The following LRRK2 variants were observed in gnomAD, a reference collection of about 807,000 sequenced individuals.
LRRK2 encodes the protein leucine-rich repeat serine/threonine-protein kinase 2.
LRRK2 carries 203 observed loss-of-function variants against 302.6 expected under a neutral mutation model. That is an observed-to-expected ratio of 0.67 (90% CI 0.60 to 0.75). LRRK2 has a LOEUF of 0.75. Among genes scored for constraint, LRRK2 ranks in the 30% least tolerant of loss-of-function variants. The pLI, the probability that LRRK2 is intolerant of heterozygous loss-of-function variation, is 0.00. For missense variants in LRRK2, 2,830 were observed against 2,951.0 expected (o/e 0.96, Z 0.95); for synonymous variants, 1,066 against 1,031.9 (o/e 1.03, Z -0.63).
chr12:40,328,795 A>T (rs1945626403), intron 39 of LRRK2, among the ~76,000 whole-genome samples: 1 of 152,086 alleles, frequency 6.6e-6, no homozygotes, highest in African/African-American at 2.4e-5. Flanking sequence ...TACCTAGGAG[A>T]TTGTTAGAAA....
chr12:40,347,560 T>C (rs564105418), intron 42 of LRRK2, among the ~76,000 whole-genome samples: 6 of 152,372 alleles, frequency 3.9e-5, no homozygotes, highest in Non-Finnish European at 8.8e-5. Flanking sequence ...GCTTTATCTT[T>C]TTTGGGTATA....
At chr12:40,320,686 G>T (rs1592284298) in intron 34 of LRRK2, among the ~76,000 whole-genome samples, 1 of 152,004 alleles carries the variant, frequency 6.6e-6, no homozygotes, top group Non-Finnish European at 1.5e-5. Context: ...TTGATTGATG[G>T]ATGCAGCCAA....
intron 7 of LRRK2, among the ~76,000 whole-genome samples, chr12:40,244,016 T>G (rs1042503407): frequency 3.9e-5 from 6 of 152,026 alleles, no homozygotes; most frequent in Non-Finnish European, 1.5e-5. Flanking sequence ...ATGTAAGAAT[T>G]GATACATACA....
At chr12:40,307,548 T>C in intron 28 of LRRK2, among the ~76,000 whole-genome samples, 1 of 151,976 alleles carries the variant, frequency 6.6e-6, no homozygotes, top group South Asian at 2.1e-4. Flanking sequence ...TGATGTTATG[T>C]GATCTCACTA....
intron 42 of LRRK2, among the ~76,000 whole-genome samples, chr12:40,347,722 G>A (rs982131687): frequency 6.6e-6 from 1 of 152,120 alleles, no homozygotes; most frequent in African/African-American, 2.4e-5. Context: ...CAGCACTTTG[G>A]GAGGCCCAGG....
chr12:40,237,059 G>T (rs768144411), intron 4 of LRRK2, among the ~76,000 whole-genome samples: 24 of 152,088 alleles, frequency 1.6e-4, no homozygotes, highest in Middle Eastern at 3.4e-3. Flanking sequence ...GAAATGTTTG[G>T]TATAGTAAAA....
Position 40,257,319 on chromosome 12 carries a change from C to CA in LRRK2, c.1361dup (p.His454GlnfsTer4). The stretch of plus-strand genomic sequence containing the variant: ...TTTGGAGTTAATGCAGAAGCATATA[C>CA]ATTCTCCTGAAGTGGCTGAAAGTGG... On this transcript the variant is annotated frameshift_variant, in exon 12 of 51. Coordinates refer to ENST00000298910, the MANE Select transcript of LRRK2 (RefSeq NM_198578.4). LOFTEE classifies it high-confidence loss of function. 6.2e-7 allele frequency: 1 copy of CA among 1,610,186 alleles called. No homozygotes were observed. Among genetic ancestry groups the CA allele is most frequent in the Non-Finnish European group, 8.5e-7 (1 of 1,176,728 alleles).
chr12:40,234,256 A>G (rs573260012), intron 3 of LRRK2, among the ~76,000 whole-genome samples: 2 of 152,224 alleles, frequency 1.3e-5, no homozygotes, highest in African/African-American at 4.8e-5. Context: ...CCAATAATGT[A>G]AAGCCAAACA....
At chr12:40,296,516 C>A (rs1944391033) in intron 23 of LRRK2, among the ~76,000 whole-genome samples, 1 of 151,784 alleles carries the variant, frequency 6.6e-6, no homozygotes, top group Non-Finnish European at 1.5e-5. Flanking sequence ...CCTGTGGTCC[C>A]AGCTACTTGG....
In LRRK2 at chr12:40,295,527, A is replaced by G. The variant is rs770133390; in HGVS notation, c.2979A>G (p.Glu993=). ...YITSLDLSAN[E]LRDIDALSQK... is the part of the protein sequence containing the mutation. ...CATCACTAGACCTTTCAGCAAATGA[A>G]CTAAGAGATATTGATGCCCTAAGCC... Residue 993 remains glutamate (E), a synonymous_variant, in exon 23 of 51, where the codon GAA becomes GAG. Coordinates refer to ENST00000298910, the MANE Select transcript of LRRK2 (RefSeq NM_198578.4). 1.1e-5 allele frequency: 17 copies of G among 1,613,878 alleles called. No homozygotes were observed. The highest frequency in any genetic ancestry group is 1.4e-5 in the Non-Finnish European group (16 of 1,179,996).
intron 2 of LRRK2, among the ~76,000 whole-genome samples, chr12:40,231,326 GAGGATTGC>G (rs1319671205): frequency 6.7e-6 from 1 of 149,764 alleles, no homozygotes; most frequent in African/African-American, 2.5e-5. Flanking sequence ...GCCAAGTCAG[GAGGATTGC>G]TTGAGCCCAG....
At chr12:40,362,784 G>GA (rs1033590127) in intron 47 of LRRK2, among the ~76,000 whole-genome samples, 2 of 152,000 alleles carry the variant, frequency 1.3e-5, no homozygotes, top group African/African-American at 4.8e-5. Flanking sequence ...GGTTGAAAGG[G>GA]AAATATTTTA....
chr12:40,225,109 G>T lies in LRRK2; in HGVS notation c.-23G>T. Reference sequence around the variant, plus strand: ...AGCGGACGTTCATGCTGGGAGGGCGGCGGGTTGGAAGCAGGTGCCACCATG... The same window carrying T: ...AGCGGACGTTCATGCTGGGAGGGCGTCGGGTTGGAAGCAGGTGCCACCATG... On this transcript the variant is annotated 5_prime_UTR_variant, in exon 1 of 51. Coordinates refer to ENST00000298910, the MANE Select transcript of LRRK2 (RefSeq NM_198578.4). 7 of 1,613,090 alleles carry T rather than the reference G, an allele frequency of 4.3e-6. No homozygotes were observed. Among genetic ancestry groups the T allele is most frequent in the Non-Finnish European group, 5.9e-6 (7 of 1,179,962 alleles).
At chr12:40,245,986 G>T (rs1379031474) in intron 7 of LRRK2, among the ~76,000 whole-genome samples, 4 of 151,738 alleles carry the variant, frequency 2.6e-5, no homozygotes, top group Non-Finnish European at 5.9e-5. Flanking sequence ...TTAATATAGT[G>T]TTAAATAGAG....
At chr12:40,359,530 A>G (rs1946641697) in intron 47 of LRRK2, 86 bp downstream of exon 47, 4 of 1,051,890 alleles carry the variant, frequency 3.8e-6, no homozygotes, top group South Asian at 3.0e-5. Flanking sequence ...TTGATAATTC[A>G]TAAGGAAGAT....
At chr12:40,245,494 A>G (rs914260386) in intron 7 of LRRK2, among the ~76,000 whole-genome samples, 6 of 152,090 alleles carry the variant, frequency 3.9e-5, no homozygotes, top group Non-Finnish European at 7.4e-5. Context: ...TCAAGTCACC[A>G]TACATTCTTT....
At chr12:40,283,466 C>T (rs902834151) in intron 18 of LRRK2, among the ~76,000 whole-genome samples, 19 of 152,152 alleles carry the variant, frequency 1.2e-4, no homozygotes, top group African/African-American at 3.4e-4. Context: ...TTCTATGTCA[C>T]AAATAAAGGC....
At chr12:40,310,998 C>T (rs1406685252) in intron 31 of LRRK2, among the ~76,000 whole-genome samples, 1 of 152,096 alleles carries the variant, frequency 6.6e-6, no homozygotes, top group Non-Finnish European at 1.5e-5. Flanking sequence ...AAGGTGAATA[C>T]TGAGGTCTTG....
chr12:40,365,015 G>A lies in LRRK2; in HGVS notation c.7355G>A (p.Cys2452Tyr). The A allele has an allele frequency of 6.2e-7, 1 of 1,612,428 alleles. No individual in the cohort carries two copies. Among genetic ancestry groups the A allele is most frequent in the Non-Finnish European group, 8.5e-7 (1 of 1,178,932 alleles). ...CTTATACGTGTAATTTACAACTTTTGTAATTCGGTCAGAGTCATGATGACA... is the reference window on the plus strand; with the variant it reads ...CTTATACGTGTAATTTACAACTTTTATAATTCGGTCAGAGTCATGATGACA... ...RRLIRVIYNF[C>Y]NSVRVMMTAQ... is the part of the protein sequence containing the mutation. Residue 2452 changes from cysteine (C) to tyrosine (Y), a missense_variant, in exon 49 of 51, where the codon TGT becomes TAT. Cys to Tyr is a radical substitution (Grantham distance 194). This residue lies in a region of LRRK2 where 456 missense variants were observed against 456.3 expected (regional missense o/e 1.00). Transcript: ENST00000298910.
Sources: gnomAD v4.1 joint callset for allele counts (sites outside exome capture counted in the v4.1 genomes callset) on GRCh38, gnomAD v4.1.1 for gene constraint, gnomAD v4.1.1 regional missense constraint, MANE v1.5 for transcripts, NCBI Gene and HGNC (gene_info 2026-07-23, HGNC 2026-07-21) for gene names.